Variants in GNAI3 observed in about 807,000 individuals in gnomAD.
GNAI3 encodes the protein guanine nucleotide-binding protein G(i) subunit alpha-3.
Under a neutral mutation model 41.8 loss-of-function variants are expected in GNAI3, and 12 were observed. The ratio of observed to expected loss-of-function variants is 0.29; its 90% CI spans 0.18 to 0.47. The LOEUF is 0.47. Among genes scored for constraint, GNAI3 ranks in the 20% least tolerant of loss-of-function variants. GNAI3 has a pLI of 1.00. For synonymous variants in GNAI3, 132 were observed against 146.5 expected (o/e 0.90, Z 0.71); for missense variants, 360 against 429.6 (o/e 0.84, Z 1.43).
At chr1:109,549,000 G>C (rs1169497791) in intron 1 of GNAI3, among the ~76,000 whole-genome samples, 162 bp downstream of exon 1, 1 of 152,070 alleles carries the variant, frequency 6.6e-6, no homozygotes, top group Non-Finnish European at 1.5e-5. Flanking sequence ...AGGCCCCAGA[G>C]GGCGTGATGA....
chr1:109,548,648 G>A lies in GNAI3; in HGVS notation c.-73G>A, dbSNP rs1307798408. 8.9e-6 allele frequency: 9 copies of A among 1,010,256 alleles called. No individual in the cohort carries two copies. Among genetic ancestry groups the A allele is most frequent in the East Asian group, 2.4e-5 (1 of 41,032 alleles). 62.6% of individuals were successfully genotyped at this position (1,010,256 alleles called of 1,614,324 possible). A position where few individuals can be genotyped will look rare whatever the true frequency, so the allele number is the denominator to read the frequency against. On this transcript the variant is annotated 5_prime_UTR_variant, in exon 1 of 9. Coordinates refer to ENST00000369851, the MANE Select transcript of GNAI3 (RefSeq NM_006496.4). The stretch of plus-strand genomic sequence containing the variant: ...GGGCCACCGCCCAGCAATAGACGGT[G>A]CCTCAGCCTGCCGAGCCGCAGTTTC...
chr1:109,578,301 C>T (rs1441060459), intron 3 of GNAI3, among the ~76,000 whole-genome samples: 1 of 151,944 alleles, frequency 6.6e-6, no homozygotes, highest in Admixed American at 6.6e-5. Context: ...CGAAACCCCT[C>T]TCTACTAAAA....
chr1:109,568,254 T>C (rs1014423268), intron 1 of GNAI3, among the ~76,000 whole-genome samples: 3 of 152,068 alleles, frequency 2.0e-5, no homozygotes, highest in Admixed American at 2.0e-4. Context: ...AGAACATGTG[T>C]CTGGGTGCAG....
chr1:109,573,996 A>G lies in GNAI3; in HGVS notation c.262A>G (p.Met88Val). ...GTCCATCATTGCAATCATAAGAGCC[A>G]TGGGACGGCTAAAGATTGACTTTGG... ...IQSIIAIIRA[M>V]GRLKIDFGEA... Residue 88 changes from methionine to valine, a missense_variant, in exon 3 of 9, where the codon ATG becomes GTG. Transcript: ENST00000369851. The G allele has an allele frequency of 6.2e-7, 1 of 1,611,710 alleles. No homozygotes were observed. The highest frequency in any genetic ancestry group is 8.5e-7 in the Non-Finnish European group (1 of 1,178,068).
intron 1 of GNAI3, among the ~76,000 whole-genome samples, chr1:109,555,586 C>G (rs190612391): frequency 6.6e-6 from 1 of 152,006 alleles, no homozygotes; most frequent in Non-Finnish European, 1.5e-5. Flanking sequence ...CACTGATGGC[C>G]ATAGAGTAGG....
chr1:109,591,146 A>G (rs1649161305), intron 7 of GNAI3, among the ~76,000 whole-genome samples: 1 of 152,172 alleles, frequency 6.6e-6, no homozygotes, highest in Non-Finnish European at 1.5e-5. Flanking sequence ...TTTGTAAAAA[A>G]TAATAGCTTC....
chr1:109,554,192 G>A (rs1304799352), intron 1 of GNAI3, among the ~76,000 whole-genome samples: 1 of 152,118 alleles, frequency 6.6e-6, no homozygotes, highest in South Asian at 2.1e-4. Flanking sequence ...CTATAAACAT[G>A]CGTATGCAAG....
At position 109,600,091 on chromosome 1, in the gene GNAI3, C is replaced by T. The variant is rs550067431; in HGVS notation, c.*7769C>T. 3 of 150,214 alleles carry T rather than the reference C, an allele frequency of 2.0e-5. No homozygotes were observed. The South Asian group carries it at 6.3e-4, about 31-fold the overall frequency. The allele number at this position is 150,214 out of a possible 1,614,324, so 9.3% of individuals were successfully genotyped here. ...CAGTCTTAAGAATTAAGGTTGCATG[C>T]CAGAAAATAGGGTTAAATATTTGTT... On this transcript the variant is annotated 3_prime_UTR_variant, in exon 9 of 9. Transcript: ENST00000369851.
In GNAI3 at chr1:109,597,763, A is replaced by G. The variant is rs1018049676; in HGVS notation, c.*5441A>G. The stretch of plus-strand genomic sequence containing the variant: ...TTATGCAGTGAAAATTGAAAGATAC[A>G]CCAAATTAAAGATAAAACCCTGTGA... On this transcript the variant is annotated 3_prime_UTR_variant, in exon 9 of 9. Transcript: ENST00000369851. The G allele has an allele frequency of 6.6e-6, 1 of 152,224 alleles. No homozygotes were observed. Among genetic ancestry groups the G allele is most frequent in the Non-Finnish European group, 1.5e-5 (1 of 68,036 alleles). 9.4% of individuals were successfully genotyped at this position (152,224 alleles called of 1,614,324 possible). A position where few individuals can be genotyped will look rare whatever the true frequency, so the allele number is the denominator to read the frequency against.
At chr1:109,591,599 G>A in intron 7 of GNAI3, 1 of 499,504 alleles carries the variant, frequency 2.0e-6, no homozygotes, top group Non-Finnish European at 3.6e-6. Flanking sequence ...AATCTTCTCT[G>A]TATTGTTCCA....
At chr1:109,566,624 C>T (rs565634520) in intron 1 of GNAI3, among the ~76,000 whole-genome samples, 27 of 152,252 alleles carry the variant, frequency 1.8e-4, no homozygotes, top group African/African-American at 6.0e-4. Flanking sequence ...TGCAATGGCG[C>T]GGTCTTTGCT....
chr1:109,555,303 C>G (rs1192537506), intron 1 of GNAI3, among the ~76,000 whole-genome samples: 1 of 152,048 alleles, frequency 6.6e-6, no homozygotes, highest in Non-Finnish European at 1.5e-5. Flanking sequence ...CCATAATCAC[C>G]AAAACATCAT....
At chr1:109,576,126 C>T (rs756312458) in intron 3 of GNAI3, among the ~76,000 whole-genome samples, 18 of 151,472 alleles carry the variant, frequency 1.2e-4, no homozygotes, top group Non-Finnish European at 5.9e-5. Flanking sequence ...TGGAGTGTAA[C>T]GGTACGATTT....
intron 7 of GNAI3, among the ~76,000 whole-genome samples, chr1:109,589,714 G>GTGCT (rs1206320406): frequency 6.6e-6 from 1 of 152,166 alleles, no homozygotes; most frequent in Admixed American, 6.5e-5. Context: ...TCAAAACACT[G>GTGCT]TGCTAAGTAA....
At chr1:109,577,278 GTT>G (rs10690094) in intron 3 of GNAI3, among the ~76,000 whole-genome samples, 126 of 125,330 alleles carry the variant, frequency 1.0e-3, no homozygotes, top group Middle Eastern at 4.0e-3. Context: ...TGTTTTTTTT[GTT>G]TTTTTTTTTT....
intron 5 of GNAI3, among the ~76,000 whole-genome samples, chr1:109,584,424 C>T (rs573756448): frequency 6.6e-6 from 1 of 152,260 alleles, no homozygotes; most frequent in East Asian, 1.9e-4. Context: ...AAGTTGTGAT[C>T]ATTATTTAGT....
In GNAI3 at chr1:109,595,228, A is replaced by G. The variant is rs1349682307; in HGVS notation, c.*2906A>G. 1 of 152,224 alleles carries G rather than the reference A, an allele frequency of 6.6e-6. No homozygotes were observed. Among genetic ancestry groups the G allele is most frequent in the Non-Finnish European group, 1.5e-5 (1 of 68,012 alleles). 9.4% of individuals were successfully genotyped at this position (152,224 alleles called of 1,614,324 possible). Reference sequence around the variant, plus strand: ...ATTAGTCTCTGTGTAAAGAAGAAGTATTCTTAATGGACAGTCCCCCCTAAC... The same window carrying G: ...ATTAGTCTCTGTGTAAAGAAGAAGTGTTCTTAATGGACAGTCCCCCCTAAC... On this transcript the variant is annotated 3_prime_UTR_variant, in exon 9 of 9. Transcript: ENST00000369851.
chr1:109,585,055 C>T lies in GNAI3; in HGVS notation c.591-1161C>T, dbSNP rs1008373767. On this transcript the variant is annotated intron_variant, in intron 5 of 8. Transcript: ENST00000369851. ...TTTCAAGCATACATTGAGAAATCAC[C>T]AACTGTGTCTTATTTCTTTCAATTT... is the stretch of plus-strand genomic sequence containing the variant. Among the ~76,000 whole-genome samples the T allele has an allele frequency of 4.6e-5, 7 of 152,294 alleles. No individual in the cohort carries two copies. The South Asian group carries it at 1.4e-3, about 32-fold the overall frequency.
At chr1:109,566,363 A>C (rs1464657988) in intron 1 of GNAI3, among the ~76,000 whole-genome samples, 1 of 152,172 alleles carries the variant, frequency 6.6e-6, no homozygotes, top group African/African-American at 2.4e-5. Flanking sequence ...AAAGTCCATA[A>C]ACTTATTTGT....
Sources: allele counts gnomAD v4.1 joint callset (sites outside exome capture counted in the v4.1 genomes callset), GRCh38; gene constraint gnomAD v4.1.1; transcripts MANE v1.5; gene names NCBI Gene and HGNC (gene_info 2026-07-23, HGNC 2026-07-21).